L3MBTL4: variants seen among roughly 807,000 people sequenced by gnomAD.
L3MBTL4 encodes the protein L3MBTL histone methyl-lysine binding protein 4, also known as lethal(3)malignant brain tumor-like protein 4.
In L3MBTL4, 70 loss-of-function variants were observed where a neutral mutation model predicts 84.5. The ratio of observed to expected loss-of-function variants is 0.83; its 90% CI spans 0.68 to 1.01. L3MBTL4 has a LOEUF of 1.01. L3MBTL4 is among the 50% of genes least tolerant of loss of function. L3MBTL4 has a pLI of 0.00. For synonymous variants in L3MBTL4, 274 were observed against 259.8 expected (o/e 1.05, Z -0.52); for missense variants, 715 against 754.8 (o/e 0.95, Z 0.62).
intron 1 of L3MBTL4, among the ~76,000 whole-genome samples, chr18:6,405,110 A>C (rs1200549864): frequency 6.6e-6 from 1 of 152,250 alleles, no homozygotes; most frequent in South Asian, 2.1e-4. Flanking sequence ...TGGTGAATTT[A>C]TGATCTTCAC....
intron 5 of L3MBTL4, among the ~76,000 whole-genome samples, chr18:6,251,185 T>G (rs985676787): frequency 6.6e-6 from 1 of 152,206 alleles, no homozygotes; most frequent in African/African-American, 2.4e-5. Context: ...TTCGCTAAAA[T>G]AGGGAGCATC....
chr18:6,143,916 G>A (rs550321909), intron 13 of L3MBTL4, among the ~76,000 whole-genome samples: 42 of 152,074 alleles, frequency 2.8e-4, no homozygotes, highest in African/African-American at 9.9e-4. Context: ...AGACAGCAAC[G>A]GCTGGGCGCG....
rs1403202579 is a variant in L3MBTL4 at position 5,956,128 on chromosome 18, G to A, written c.*92C>T. On this transcript the variant is annotated 3_prime_UTR_variant, in exon 19 of 19. Coordinates refer to ENST00000317931, the MANE Select transcript of L3MBTL4 (RefSeq NM_001330559.2). ...AAAGTCCAGATTCAGTGTGGATACG[G>A]CCATGGGGACATTCACATCAAATTA... 2.9e-6 allele frequency: 3 copies of A among 1,050,828 alleles called. No individual in the cohort carries two copies. The highest frequency in any genetic ancestry group is 2.9e-6 in the Non-Finnish European group (2 of 700,512). 65.1% of individuals were successfully genotyped at this position (1,050,828 alleles called of 1,614,324 possible).
At chr18:6,108,258 A>G (rs1458424087) in intron 14 of L3MBTL4, among the ~76,000 whole-genome samples, 1 of 152,186 alleles carries the variant, frequency 6.6e-6, no homozygotes, top group Non-Finnish European at 1.5e-5. Context: ...CACTGCAGCC[A>G]GGGGAAGACT....
At chr18:5,963,810 C>G (rs1490510527) in intron 17 of L3MBTL4, among the ~76,000 whole-genome samples, 1 of 152,136 alleles carries the variant, frequency 6.6e-6, no homozygotes, top group African/African-American at 2.4e-5. Flanking sequence ...AAGAAGTTTC[C>G]CTCTCATTCT....
chr18:6,163,256 GT>G (rs1568230829), intron 13 of L3MBTL4, among the ~76,000 whole-genome samples: 6 of 91,138 alleles, frequency 6.6e-5, no homozygotes, highest in East Asian at 3.3e-4. Flanking sequence ...GGGTGTGTGT[GT>G]GTGGGGGGGG....
rs530783398 is a variant in L3MBTL4, at chr18:6,032,849, G to A, written c.1444+48032C>T. 7.0e-4 allele frequency among the ~76,000 whole-genome samples: 107 copies of A among 152,226 alleles called. No individual in the cohort carries two copies. The Middle Eastern group carries it at 0.024, about 34-fold the overall frequency. ...GCTTATTTCATCTCACAGTTCATCCGTTTTGTAGCATATGTGCAAATTGCC... is the reference window on the plus strand; with the variant it reads ...GCTTATTTCATCTCACAGTTCATCCATTTTGTAGCATATGTGCAAATTGCC... On this transcript the variant is annotated intron_variant, in intron 16 of 18. Coordinates refer to ENST00000317931, the MANE Select transcript of L3MBTL4 (RefSeq NM_001330559.2).
In L3MBTL4 at chr18:5,954,848, C is replaced by T. The variant is rs1036257564; in HGVS notation, c.*1372G>A. On this transcript the variant is annotated 3_prime_UTR_variant, in exon 19 of 19. Transcript: ENST00000317931. Reference sequence around the variant, plus strand: ...AACTCCACAGAAACAAAATTTACATCAACCAATAATATATTAAAATTCCTT... The same window carrying T: ...AACTCCACAGAAACAAAATTTACATTAACCAATAATATATTAAAATTCCTT... 9 of 152,010 alleles carry T rather than the reference C, an allele frequency of 5.9e-5. No homozygotes were observed. Among genetic ancestry groups the T allele is most frequent in the African/African-American group, 2.2e-4 (9 of 41,368 alleles). 9.4% of individuals were successfully genotyped at this position (152,010 alleles called of 1,614,324 possible). A position where few individuals can be genotyped will look rare whatever the true frequency, so the allele number is the denominator to read the frequency against.
intron 1 of L3MBTL4, among the ~76,000 whole-genome samples, chr18:6,410,928 T>C (rs1020045): frequency 0.41 from 62,707 of 151,966 alleles, 13,055 homozygotes; most frequent in South Asian, 0.46. Context: ...GAGCAGGGCC[T>C]CCATTACGGC....
chr18:6,021,052 C>A (rs1385847394), intron 16 of L3MBTL4, among the ~76,000 whole-genome samples: 1 of 152,152 alleles, frequency 6.6e-6, no homozygotes, highest in Non-Finnish European at 1.5e-5. Context: ...AAAATTGAGT[C>A]TAGGATGATG....
chr18:6,295,379 T>C (rs1185001016), intron 4 of L3MBTL4, among the ~76,000 whole-genome samples: 1 of 138,586 alleles, frequency 7.2e-6, no homozygotes, highest in Non-Finnish European at 1.5e-5. Flanking sequence ...TATACAGCCT[T>C]TATGAATACA....
At chr18:6,399,121 T>G (rs1442614309) in intron 1 of L3MBTL4, among the ~76,000 whole-genome samples, 2 of 152,218 alleles carry the variant, frequency 1.3e-5, no homozygotes, top group Non-Finnish European at 2.9e-5. Context: ...CTTTATATTT[T>G]AATTACACTT....
chr18:6,110,654 G>A (rs2059165823), intron 14 of L3MBTL4, among the ~76,000 whole-genome samples: 1 of 151,916 alleles, frequency 6.6e-6, no homozygotes, highest in African/African-American at 2.4e-5. Flanking sequence ...TGTGTGTGGT[G>A]TGTTTGCAGG....
At chr18:6,350,167 T>C (rs1599737442) in intron 1 of L3MBTL4, among the ~76,000 whole-genome samples, 1 of 148,324 alleles carries the variant, frequency 6.7e-6, no homozygotes, top group Non-Finnish European at 1.5e-5. Context: ...GAAGAAAACA[T>C]AAGTGAAAAC....
intron 1 of L3MBTL4, among the ~76,000 whole-genome samples, chr18:6,369,586 A>G (rs1050196712): frequency 1.3e-5 from 2 of 152,192 alleles, no homozygotes; most frequent in Middle Eastern, 6.3e-3. Flanking sequence ...ACGGAAGGCA[A>G]TTTCTCATGA....
At chr18:6,145,618 T>G (rs557188527) in intron 13 of L3MBTL4, among the ~76,000 whole-genome samples, 84 of 151,962 alleles carry the variant, frequency 5.5e-4, no homozygotes, top group African/African-American at 2.0e-3. Context: ...AGAAATGACA[T>G]TAGCATTGGG....
chr18:5,980,131 G>A (rs958510087), intron 16 of L3MBTL4, among the ~76,000 whole-genome samples: 2 of 113,014 alleles, frequency 1.8e-5, no homozygotes, highest in African/African-American at 6.3e-5. Flanking sequence ...TGGCTGACGT[G>A]CTGACAGACA....
At chr18:6,216,923 T>C (rs1260177465) in intron 10 of L3MBTL4, among the ~76,000 whole-genome samples, 1 of 152,182 alleles carries the variant, frequency 6.6e-6, no homozygotes, top group African/African-American at 2.4e-5. Flanking sequence ...CTTTTTAGTA[T>C]AAAATAGAGT....
chr18:6,014,419 G>A lies in L3MBTL4; in HGVS notation c.1445-44857C>T, dbSNP rs557576111. Among the ~76,000 whole-genome samples, 504 of 152,264 alleles carry A rather than the reference G, an allele frequency of 3.3e-3. 4 individuals carry two copies. Among genetic ancestry groups the A allele is most frequent in the African/African-American group, 0.011 (471 of 41,552 alleles). ...CAATTATGCAAGCAACTACAATACA[G>A]AATGGTAAGGTCCTGGAGAGGAGAA... On this transcript the variant is annotated intron_variant, in intron 16 of 18. Transcript: ENST00000317931.
Sources: gnomAD v4.1 joint callset for allele counts (sites outside exome capture counted in the v4.1 genomes callset) on GRCh38, gnomAD v4.1.1 for gene constraint, MANE v1.5 for transcripts, NCBI Gene and HGNC (gene_info 2026-07-23, HGNC 2026-07-21) for gene names.